Variants in MTHFD1L observed in about 807,000 individuals in gnomAD.
MTHFD1L encodes methylenetetrahydrofolate dehydrogenase (NADP+ dependent) 1 like, also known as monofunctional C1-tetrahydrofolate synthase, mitochondrial.
In MTHFD1L, 81 loss-of-function variants were observed where a neutral mutation model predicts 119.5. That is an observed-to-expected ratio of 0.68 (90% confidence interval 0.57 to 0.82). MTHFD1L has a LOEUF of 0.82. MTHFD1L is among the 40% of genes least tolerant of loss of function. The pLI, the probability that MTHFD1L is intolerant of heterozygous loss-of-function variation, is 0.00. For missense variants in MTHFD1L, 1,125 were observed against 1,253.4 expected, an observed-to-expected ratio of 0.90 and a Z score of 1.55; for synonymous variants, 430 against 475.2, an observed-to-expected ratio of 0.90 and a Z score of 1.24.
rs531713837 is a variant in MTHFD1L, at chr6:150,914,700, A to G, written c.893-3877A>G. On this transcript the variant is annotated intron_variant, in intron 8 of 27. Transcript: ENST00000367321. ...TCAGAAAGCAACACTGTATGTGAATAAAGTCACCTTACCTAGCTGCCGGTG... is the reference window on the plus strand; with the variant it reads ...TCAGAAAGCAACACTGTATGTGAATGAAGTCACCTTACCTAGCTGCCGGTG... Among the ~76,000 whole-genome samples, 9 of 152,342 alleles carry G rather than the reference A, an allele frequency of 5.9e-5. No individual in the cohort carries two copies. The East Asian group carries it at 1.5e-3, about 26-fold the overall frequency.
rs374804599 is a variant in MTHFD1L at position 151,076,300 on chromosome 6, G to C, written c.2848-16167G>C. ...GCCCAGGTTGAGGCTGTAGTAAGCT[G>C]TGATTGCACCACTGCACTCCAGCCT... is the stretch of plus-strand genomic sequence containing the variant. On this transcript the variant is annotated intron_variant, in intron 26 of 27. Coordinates refer to ENST00000367321, the MANE Select transcript of MTHFD1L (RefSeq NM_015440.5). Among the ~76,000 whole-genome samples, 149 of 152,236 alleles carry C rather than the reference G, an allele frequency of 9.8e-4. 1 individual carries two copies. The highest frequency in any genetic ancestry group is 3.4e-3 in the African/African-American group (143 of 41,522).
rs547678244 is a variant in MTHFD1L at position 150,989,345 on chromosome 6, G to A, written c.2125+17287G>A. On this transcript the variant is annotated intron_variant, in intron 20 of 27. Coordinates refer to ENST00000367321, the MANE Select transcript of MTHFD1L (RefSeq NM_015440.5). ...CATTAAATAGTGTAACCCTGAAGAC[G>A]CATCCAGTATATAAGGAACACCACA... Among the ~76,000 whole-genome samples the A allele has an allele frequency of 7.2e-5, 11 of 152,192 alleles. No individual in the cohort carries two copies. The South Asian group carries it at 1.2e-3, about 17-fold the overall frequency.
At chr6:151,097,728 C>CA (rs1234407986) in intron 27 of MTHFD1L, among the ~76,000 whole-genome samples, 1 of 152,130 alleles carries the variant, frequency 6.6e-6, no homozygotes, top group Admixed American at 6.6e-5. Context: ...TTGTATACTT[C>CA]AAAGTAACAG....
chr6:151,061,165 C>G (rs1790574196), intron 26 of MTHFD1L, among the ~76,000 whole-genome samples: 1 of 152,050 alleles, frequency 6.6e-6, no homozygotes, highest in South Asian at 2.1e-4. Flanking sequence ...GTGTTGGGAG[C>G]CCCTAAGACC....
chr6:151,058,524 G>A (rs559088248), intron 26 of MTHFD1L, among the ~76,000 whole-genome samples: 113 of 152,328 alleles, frequency 7.4e-4, no homozygotes, highest in African/African-American at 2.6e-3. Flanking sequence ...TATGAGAGAC[G>A]GCAATTAGCC....
At chr6:151,008,391 T>C (rs1203755902) in intron 20 of MTHFD1L, among the ~76,000 whole-genome samples, 1 of 152,232 alleles carries the variant, frequency 6.6e-6, no homozygotes, top group Non-Finnish European at 1.5e-5. Flanking sequence ...AACTCAGTAG[T>C]ATTCCCTTCC....
chr6:150,924,359 G>A (rs779384434), intron 10 of MTHFD1L, among the ~76,000 whole-genome samples: 21 of 151,938 alleles, frequency 1.4e-4, no homozygotes, highest in Non-Finnish European at 7.4e-5. Context: ...TTTTAGTAGA[G>A]ACAGGGTTTC....
At chr6:150,878,024 G>A (rs563869538) in intron 4 of MTHFD1L, among the ~76,000 whole-genome samples, 198 bp downstream of exon 4, 7 of 152,322 alleles carry the variant, frequency 4.6e-5, no homozygotes, top group African/African-American at 1.4e-4. Flanking sequence ...TGTTTCTACT[G>A]AAGACTTGAG....
rs558605812 is a variant in MTHFD1L, at chr6:150,984,553, C to T, written c.2125+12495C>T. 2.5e-5 allele frequency among the ~76,000 whole-genome samples: 3 copies of T among 121,940 alleles called. No individual in the cohort carries two copies. The South Asian group carries it at 7.7e-4, about 31-fold the overall frequency. The allele number at this position is 121,940 out of a possible 152,430, so 80.0% of individuals were successfully genotyped here. ...TTAGAAGTACCTACCATCCTAAACA[C>T]AGGAACCAAAAACAAGGGAAAAAAA... is the stretch of plus-strand genomic sequence containing the variant. On this transcript the variant is annotated intron_variant, in intron 20 of 27. Transcript: ENST00000367321.
chr6:150,920,967 T>G (rs1193556127), intron 9 of MTHFD1L, among the ~76,000 whole-genome samples: 2 of 97,206 alleles, frequency 2.1e-5, no homozygotes, highest in Non-Finnish European at 2.1e-5. Context: ...TTTTTTTTTT[T>G]TGAGACAGAG....
At position 151,049,185 on chromosome 6, in the gene MTHFD1L, A is replaced by G. The variant is rs1325895678; in HGVS notation, c.2847+12068A>G. 2.6e-5 allele frequency among the ~76,000 whole-genome samples: 4 copies of G among 152,250 alleles called. No individual in the cohort carries two copies. The South Asian group carries it at 6.2e-4, about 24-fold the overall frequency. On this transcript the variant is annotated intron_variant, in intron 26 of 27. Coordinates refer to ENST00000367321, the MANE Select transcript of MTHFD1L (RefSeq NM_015440.5). ...AGCCTGGCCAACATGGTGAAACCCC[A>G]TCTCTATTAAAAATACAAAGATTAG...
chr6:150,957,362 T>C (rs1327351424), intron 17 of MTHFD1L, among the ~76,000 whole-genome samples: 2 of 152,068 alleles, frequency 1.3e-5, no homozygotes, highest in African/African-American at 4.8e-5. Flanking sequence ...CAAGTGAAAA[T>C]AGTAGGTACT....
intron 26 of MTHFD1L, among the ~76,000 whole-genome samples, chr6:151,079,538 G>A (rs1448964359): frequency 6.6e-6 from 1 of 151,950 alleles, no homozygotes; most frequent in Non-Finnish European, 1.5e-5. Flanking sequence ...GCTCACAGCT[G>A]GAGTGCGATG....
chr6:151,093,796 G>A (rs1794662802), intron 27 of MTHFD1L, among the ~76,000 whole-genome samples: 2 of 152,164 alleles, frequency 1.3e-5, no homozygotes, highest in Non-Finnish European at 2.9e-5. Flanking sequence ...CAGACACATA[G>A]CCATGGGACA....
chr6:150,933,618 A>C lies in MTHFD1L; in HGVS notation c.1257-3186A>C, dbSNP rs1339339532. Among the ~76,000 whole-genome samples the C allele has an allele frequency of 2.0e-5, 3 of 152,078 alleles. No individual in the cohort carries two copies. The East Asian group carries it at 5.8e-4, about 29-fold the overall frequency. ...GATAGGCTCACCAGCTCCTGGCCAC[A>C]GTGGGTACCAGCGACCTCCTTGTTG... On this transcript the variant is annotated intron_variant, in intron 11 of 27. Coordinates refer to ENST00000367321, the MANE Select transcript of MTHFD1L (RefSeq NM_015440.5).
intron 20 of MTHFD1L, among the ~76,000 whole-genome samples, chr6:150,995,654 A>G (rs1042703863): frequency 6.6e-6 from 1 of 152,142 alleles, no homozygotes; most frequent in African/African-American, 2.4e-5. Context: ...TTCCAATAAC[A>G]TATCGCTAAT....
At chr6:151,076,888 G>A (rs928596266) in intron 26 of MTHFD1L, among the ~76,000 whole-genome samples, 9 of 152,284 alleles carry the variant, frequency 5.9e-5, no homozygotes, top group Non-Finnish European at 1.0e-4. Flanking sequence ...ATGAATGTTC[G>A]TAGCAGCTTT....
intron 11 of MTHFD1L, among the ~76,000 whole-genome samples, chr6:150,935,896 A>T (rs180756773): frequency 3.9e-4 from 59 of 151,824 alleles, no homozygotes; most frequent in African/African-American, 7.0e-4. Context: ...GAAAAAAAAA[A>T]TTTTTAACAA....
intron 20 of MTHFD1L, among the ~76,000 whole-genome samples, chr6:150,978,800 A>T (rs1446467998): frequency 6.6e-6 from 1 of 152,138 alleles, no homozygotes; most frequent in Non-Finnish European, 1.5e-5. Context: ...CAAGATGATG[A>T]TACATGTCCA....
Sources: allele counts gnomAD v4.1 joint callset (sites outside exome capture counted in the v4.1 genomes callset), GRCh38; gene constraint gnomAD v4.1.1; transcripts MANE v1.5; gene names NCBI Gene and HGNC (gene_info 2026-07-23, HGNC 2026-07-21).